The following ANKS1B variants were observed in gnomAD, a reference collection of about 807,000 sequenced individuals.
ANKS1B encodes ankyrin repeat and sterile alpha motif domain-containing protein 1B.
ANKS1B carries 36 observed loss-of-function variants against 148.3 expected under a neutral mutation model. The ratio of observed to expected loss-of-function variants is 0.24; its 90% CI spans 0.19 to 0.32. The LOEUF (loss-of-function observed/expected upper bound fraction) is 0.32. Ranked by LOEUF, ANKS1B falls within the 10% of genes least tolerant of loss-of-function variation. The pLI, the probability that ANKS1B is intolerant of heterozygous loss-of-function variation, is 1.00. For missense variants in ANKS1B, 1,157 were observed against 1,542.6 expected, an observed-to-expected ratio of 0.75 and a Z score of 4.19; for synonymous variants, 542 against 560.8, an observed-to-expected ratio of 0.97 and a Z score of 0.47.
intron 8 of ANKS1B, among the ~76,000 whole-genome samples, chr12:99,671,342 A>ATG (rs1183901332): frequency 6.6e-6 from 1 of 151,912 alleles, no homozygotes; most frequent in Non-Finnish European, 1.5e-5. Context: ...ACTTGTATGC[A>ATG]TGTGTGTGTG....
At chr12:99,728,610 C>T (rs1439929072) in intron 8 of ANKS1B, among the ~76,000 whole-genome samples, 4 of 152,170 alleles carry the variant, frequency 2.6e-5, no homozygotes, top group Non-Finnish European at 4.4e-5. Context: ...TTTGACCCAG[C>T]AACCCCATTA....
In ANKS1B at chr12:99,689,613, C is replaced by A. The variant is rs201381347; in HGVS notation, c.1129-34403G>T. Among the ~76,000 whole-genome samples the A allele has an allele frequency of 4.3e-4, 65 of 152,276 alleles. 1 individual carries two copies. In the East Asian group the frequency reaches 9.1e-3, roughly 21 times the overall value. On this transcript the variant is annotated intron_variant, in intron 8 of 26. Transcript: ENST00000683438. ...GGGAGAGTATCCTGGCTGAGCCAGA[C>A]CTGATCAGGTAAGGATCAGGTCTGC...
Position 99,582,630 on chromosome 12 carries a change from C to CGCAATACT in ANKS1B, c.1272+72429_1272+72436dup, listed in dbSNP as rs1208428692. ...TCTATTAGTATGTAAATGAAGACAA[C>CGCAATACT]GCAATACTATGTGATCTGTGAAAGC... On this transcript the variant is annotated intron_variant, in intron 9 of 26. Coordinates refer to ENST00000683438, the MANE Select transcript of ANKS1B (RefSeq NM_001352186.2). Among the ~76,000 whole-genome samples the CGCAATACT allele has an allele frequency of 7.2e-5, 11 of 152,166 alleles. No individual in the cohort carries two copies. In the South Asian group the frequency reaches 2.1e-3, roughly 29 times the overall value.
At chr12:99,514,045 TA>T (rs1363693441) in intron 9 of ANKS1B, among the ~76,000 whole-genome samples, 1 of 152,074 alleles carries the variant, frequency 6.6e-6, no homozygotes, top group Non-Finnish European at 1.5e-5. Flanking sequence ...ATTAATGATC[TA>T]AATAGTAAAT....
In ANKS1B at chr12:99,910,982, T is replaced by TA. The variant is rs2093988355; in HGVS notation, c.134+73121dup. On this transcript the variant is annotated intron_variant, in intron 1 of 26. Transcript: ENST00000683438. ...TTGTGCTAAAAATACGTAATCTTAT[T>TA]AAAACCTTACAAAGTCACCAAATAA... Among the ~76,000 whole-genome samples, 5 of 152,340 alleles carry TA rather than the reference T, an allele frequency of 3.3e-5. No individual in the cohort carries two copies. The South Asian group carries it at 1.0e-3, about 32-fold the overall frequency.
intron 14 of ANKS1B, among the ~76,000 whole-genome samples, chr12:99,198,037 T>C (rs1222067026): frequency 1.3e-5 from 2 of 152,218 alleles, no homozygotes; most frequent in Non-Finnish European, 1.5e-5. Flanking sequence ...CCCAGCCCAC[T>C]TGGTGAACTC....
intron 17 of ANKS1B, among the ~76,000 whole-genome samples, chr12:98,967,267 C>G (rs993622726): frequency 2.1e-4 from 32 of 152,048 alleles, no homozygotes; most frequent in Non-Finnish European, 8.8e-5. Context: ...ACTTTGTTTC[C>G]GACGTTGATA....
chr12:99,161,705 C>T (rs542197575), intron 14 of ANKS1B, among the ~76,000 whole-genome samples: 23 of 152,156 alleles, frequency 1.5e-4, no homozygotes, highest in Non-Finnish European at 2.9e-4. Context: ...ACTTCAAATA[C>T]TAGCTTCAAA....
intron 23 of ANKS1B, 127 bp downstream of exon 23, chr12:98,781,999 T>G (rs1267964247): frequency 1.2e-6 from 1 of 800,782 alleles, no homozygotes; most frequent in Non-Finnish European, 2.0e-6. Context: ...AAAAAGTTTC[T>G]CTATAATTTA....
intron 16 of ANKS1B, among the ~76,000 whole-genome samples, chr12:99,054,322 T>C (rs2099968162): frequency 6.6e-6 from 1 of 152,288 alleles, no homozygotes; most frequent in Admixed American, 6.5e-5. Flanking sequence ...TAAATATTAA[T>C]GGAAATTTAT....
intron 9 of ANKS1B, among the ~76,000 whole-genome samples, chr12:99,632,727 CTATATATA>C (rs3081654): frequency 0.078 from 3,046 of 38,974 alleles, 176 homozygotes; most frequent in Middle Eastern, 0.091. Flanking sequence ...CCTTTTCTTT[CTATATATA>C]TATATATATA....
At chr12:99,648,790 G>T (rs1172344902) in intron 9 of ANKS1B, 1 of 1,608,392 alleles carries the variant, frequency 6.2e-7, no homozygotes, top group Admixed American at 1.7e-5. Context: ...GAGCCCAGTG[G>T]TGAGTCTATG....
intron 14 of ANKS1B, among the ~76,000 whole-genome samples, chr12:99,238,127 G>T (rs1054989626): frequency 3.3e-5 from 5 of 152,158 alleles, no homozygotes; most frequent in African/African-American, 1.2e-4. Flanking sequence ...AGGGGTTGGG[G>T]GATTTCCCCT....
chr12:99,900,361 CCAGGTATGGTTG>C (rs1473444319), intron 1 of ANKS1B, among the ~76,000 whole-genome samples: 1 of 151,430 alleles, frequency 6.6e-6, no homozygotes, highest in African/African-American at 2.4e-5. Flanking sequence ...CAAAAATTAG[CCAGGTATGGTTG>C]CAGGTGCCTG....
At chr12:99,070,593 T>C (rs182751661) in intron 16 of ANKS1B, among the ~76,000 whole-genome samples, 5 of 152,190 alleles carry the variant, frequency 3.3e-5, no homozygotes, top group African/African-American at 7.2e-5. Context: ...GCTAAACATA[T>C]GCTTTGGATC....
intron 8 of ANKS1B, among the ~76,000 whole-genome samples, chr12:99,731,247 T>A (rs1039442007): frequency 6.6e-6 from 1 of 152,184 alleles, no homozygotes; most frequent in Non-Finnish European, 1.5e-5. Context: ...GCCTTCCAAG[T>A]AGCTGGGATT....
intron 9 of ANKS1B, among the ~76,000 whole-genome samples, chr12:99,629,182 C>A (rs1426293398): frequency 6.6e-6 from 1 of 152,114 alleles, no homozygotes; most frequent in Non-Finnish European, 1.5e-5. Context: ...TACAGAGTTG[C>A]AGACCTTTGC....
chr12:99,545,975 C>A (rs1351504753), intron 9 of ANKS1B, among the ~76,000 whole-genome samples: 3 of 151,824 alleles, frequency 2.0e-5, no homozygotes, highest in Admixed American at 2.0e-4. Flanking sequence ...GGAGAAGAAC[C>A]CCAAATTAGG....
At chr12:99,347,166 T>C (rs1428255312) in intron 12 of ANKS1B, among the ~76,000 whole-genome samples, 1 of 151,986 alleles carries the variant, frequency 6.6e-6, no homozygotes, top group African/African-American at 2.4e-5. Flanking sequence ...GGCACAAACA[T>C]GGCTGCACAG....
Sources: gnomAD v4.1 joint callset for allele counts (sites outside exome capture counted in the v4.1 genomes callset) on GRCh38, gnomAD v4.1.1 for gene constraint, MANE v1.5 for transcripts, NCBI Gene and HGNC (gene_info 2026-07-23, HGNC 2026-07-21) for gene names.